Variants in FRMD5 observed in about 807,000 individuals in gnomAD.
The protein encoded by FRMD5 is FERM domain containing 5.
A neutral mutation model predicts 69.0 loss-of-function variants in FRMD5; 20 were observed. That is an observed-to-expected ratio of 0.29 (90% confidence interval 0.20 to 0.42). The LOEUF is 0.42. FRMD5 is among the 10% of genes least tolerant of loss of function. FRMD5 has a pLI of 1.00. For synonymous variants in FRMD5, 271 were observed against 260.1 expected, an observed-to-expected ratio of 1.04 and a Z score of -0.40; for missense variants, 595 against 708.6, an observed-to-expected ratio of 0.84 and a Z score of 1.82.
chr15:44,051,825 G>T (rs1282017599), intron 1 of FRMD5, among the ~76,000 whole-genome samples: 1 of 152,110 alleles, frequency 6.6e-6, no homozygotes, highest in Non-Finnish European at 1.5e-5. Context: ...TTATAAGGAG[G>T]AAGAACTTAT....
chr15:43,899,075 G>T (rs1365568436), intron 7 of FRMD5, among the ~76,000 whole-genome samples: 1 of 152,180 alleles, frequency 6.6e-6, no homozygotes, highest in Non-Finnish European at 1.5e-5. Flanking sequence ...GCATGCCCCA[G>T]ATTCCCTGGG....
At chr15:44,191,724 C>T (rs958986637) in intron 1 of FRMD5, among the ~76,000 whole-genome samples, 2 of 151,592 alleles carry the variant, frequency 1.3e-5, no homozygotes, top group African/African-American at 4.8e-5. Context: ...GCCTAGGCAA[C>T]ATAGCAAGAT....
chr15:44,058,504 A>G (rs1346332037), intron 1 of FRMD5, among the ~76,000 whole-genome samples: 2 of 152,190 alleles, frequency 1.3e-5, no homozygotes, highest in African/African-American at 2.4e-5. Context: ...TGATGTGTAA[A>G]TTATATCTCA....
intron 1 of FRMD5, among the ~76,000 whole-genome samples, chr15:43,965,192 C>T (rs539571994): frequency 1.1e-4 from 17 of 152,232 alleles, no homozygotes; most frequent in East Asian, 1.9e-4. Flanking sequence ...CTTGAAGGAA[C>T]GGGCAGAGAC....
rs536716474 is a variant in FRMD5 at position 43,911,649 on chromosome 15, G to A, written c.330-1670C>T. The stretch of plus-strand genomic sequence containing the variant: ...CATAGACACTCTGAGACAATTAAAC[G>A]CTTGTTATTTTAACTTTTATGGTCC... On this transcript the variant is annotated intron_variant, in intron 4 of 13. Transcript: ENST00000417257. Among the ~76,000 whole-genome samples, 121 of 152,256 alleles carry A rather than the reference G, an allele frequency of 7.9e-4. 1 individual carries two copies. The highest frequency in any genetic ancestry group is 7.6e-3 in the Admixed American group (117 of 15,300).
chr15:44,062,689 C>CAAA (rs35998128), intron 1 of FRMD5, among the ~76,000 whole-genome samples: 11 of 118,036 alleles, frequency 9.3e-5, no homozygotes, highest in South Asian at 5.9e-4. Flanking sequence ...GACTCTGTCT[C>CAAA]AAAAAAAAAA....
At chr15:44,001,355 G>A (rs755158149) in intron 1 of FRMD5, among the ~76,000 whole-genome samples, 1 of 151,990 alleles carries the variant, frequency 6.6e-6, no homozygotes, top group Non-Finnish European at 1.5e-5. Context: ...CATTCTGTGG[G>A]ACACTTTTTC....
chr15:44,001,783 A>G (rs1890226024), intron 1 of FRMD5, among the ~76,000 whole-genome samples: 1 of 151,694 alleles, frequency 6.6e-6, no homozygotes, highest in South Asian at 2.1e-4. Context: ...ATTTTTTTGT[A>G]TTTTTTGTAA....
chr15:44,052,343 T>C (rs753066769), intron 1 of FRMD5, among the ~76,000 whole-genome samples: 6 of 152,200 alleles, frequency 3.9e-5, no homozygotes, highest in African/African-American at 9.7e-5. Context: ...TGTGTTTCTT[T>C]TGAGCACTTA....
intron 1 of FRMD5, among the ~76,000 whole-genome samples, chr15:44,157,372 C>G (rs1004563788): frequency 6.6e-6 from 1 of 152,200 alleles, no homozygotes; most frequent in Non-Finnish European, 1.5e-5. Flanking sequence ...ACATTAGGAA[C>G]TGGACCTTCA....
chr15:44,096,403 C>T (rs1464572687), intron 1 of FRMD5, among the ~76,000 whole-genome samples: 4 of 130,774 alleles, frequency 3.1e-5, no homozygotes, highest in Admixed American at 2.4e-4. Context: ...TACGGTGTAT[C>T]TTTTTTTTTT....
chr15:43,994,125 T>G (rs1305186381), intron 1 of FRMD5, among the ~76,000 whole-genome samples: 1 of 152,208 alleles, frequency 6.6e-6, no homozygotes, highest in African/African-American at 2.4e-5. Flanking sequence ...TTTTGTTAGT[T>G]GTTTTCTGAT....
At chr15:43,882,064 ACAC>A (rs1245773981) in intron 13 of FRMD5, among the ~76,000 whole-genome samples, 1 of 152,192 alleles carries the variant, frequency 6.6e-6, no homozygotes, top group Admixed American at 6.5e-5. Flanking sequence ...TCCTAAAAAA[ACAC>A]CATCTTCGGG....
intron 1 of FRMD5, among the ~76,000 whole-genome samples, chr15:44,169,570 A>ATT (rs1861462115): frequency 1.3e-5 from 2 of 152,148 alleles, no homozygotes; most frequent in African/African-American, 2.4e-5. Flanking sequence ...TTTCCAGGAA[A>ATT]TGTCAGTGGA....
chr15:43,918,245 G>A (rs1200577092), intron 4 of FRMD5, among the ~76,000 whole-genome samples: 1 of 152,140 alleles, frequency 6.6e-6, no homozygotes, highest in Non-Finnish European at 1.5e-5. Flanking sequence ...TTAACATGGT[G>A]AAACCCCGTC....
At chr15:44,172,544 T>G (rs896444723) in intron 1 of FRMD5, among the ~76,000 whole-genome samples, 1 of 152,156 alleles carries the variant, frequency 6.6e-6, no homozygotes, top group Non-Finnish European at 1.5e-5. Flanking sequence ...TTGCTTTAAT[T>G]TAGAATTCAG....
At chr15:43,996,802 C>T (rs1400565937) in intron 1 of FRMD5, among the ~76,000 whole-genome samples, 1 of 135,322 alleles carries the variant, frequency 7.4e-6, no homozygotes, top group East Asian at 2.2e-4. Flanking sequence ...GTTGAAAATG[C>T]AGAATTTTAG....
intron 1 of FRMD5, among the ~76,000 whole-genome samples, chr15:43,931,253 G>A (rs1472737611): frequency 6.6e-6 from 1 of 152,146 alleles, no homozygotes; most frequent in African/African-American, 2.4e-5. Flanking sequence ...TCCAACCAGT[G>A]CTGAATATCT....
intron 1 of FRMD5, among the ~76,000 whole-genome samples, chr15:44,179,031 A>C (rs1310108696): frequency 6.6e-6 from 1 of 151,808 alleles, no homozygotes; most frequent in Non-Finnish European, 1.5e-5. Flanking sequence ...TAAATACCCA[A>C]GTCTAATCAA....
Sources: allele counts gnomAD v4.1 joint callset (sites outside exome capture counted in the v4.1 genomes callset), GRCh38; gene constraint gnomAD v4.1.1; transcripts MANE v1.5; gene names NCBI Gene and HGNC (gene_info 2026-07-23, HGNC 2026-07-21).